PTPRJ: variants seen among roughly 807,000 people sequenced by gnomAD.
PTPRJ encodes protein tyrosine phosphatase receptor type J.
Under a neutral mutation model 141.3 loss-of-function variants are expected in PTPRJ, and 129 were observed. The ratio of observed to expected loss-of-function variants is 0.91; its 90% CI spans 0.79 to 1.06. The LOEUF (loss-of-function observed/expected upper bound fraction) is 1.06. PTPRJ is among the 50% of genes least tolerant of loss of function. The probability of loss-of-function intolerance (pLI) is 0.00; values close to 1 mark genes in which losing one functional copy is unlikely to be tolerated. For missense variants in PTPRJ, 1,601 were observed against 1,679.7 expected, an observed-to-expected ratio of 0.95 and a Z score of 0.82; for synonymous variants, 610 against 640.5, an observed-to-expected ratio of 0.95 and a Z score of 0.72.
At position 48,123,924 on chromosome 11, in the gene PTPRJ, C is replaced by T. The variant is rs369845955; in HGVS notation, c.874+54C>T. On this transcript the variant is annotated intron_variant, in intron 5 of 24. Transcript: ENST00000418331. ...CCTTACTGGTTCTTACTTTCAGTAA[C>T]TAAATGTTCTAAAAAATAAATTGCT... 4.9e-5 allele frequency: 74 copies of T among 1,516,532 alleles called. No individual in the cohort carries two copies. The African/African-American group carries it at 8.8e-4, about 18-fold the overall frequency. 93.9% of individuals were successfully genotyped at this position (1,516,532 alleles called of 1,614,324 possible). A position where few individuals can be genotyped will look rare whatever the true frequency, so the allele number is the denominator to read the frequency against.
At chr11:47,981,840 T>G (rs7106731) in intron 1 of PTPRJ, among the ~76,000 whole-genome samples, 62,748 of 152,054 alleles carry the variant, frequency 0.41, 18,122 homozygotes, top group African/African-American at 0.83. Flanking sequence ...AGAAGTGAAA[T>G]AGCGGAGCAC....
intron 1 of PTPRJ, among the ~76,000 whole-genome samples, chr11:47,993,831 A>AT (rs1001975747): frequency 0.038 from 5,256 of 139,400 alleles, 264 homozygotes; most frequent in African/African-American, 0.12. Flanking sequence ...CAAACAGTTC[A>AT]TTTTTTTTTT....
At chr11:48,063,263 G>A (rs1854988334) in intron 1 of PTPRJ, among the ~76,000 whole-genome samples, 1 of 152,166 alleles carries the variant, frequency 6.6e-6, no homozygotes, top group Admixed American at 6.5e-5. Context: ...GGGAGGTGGA[G>A]GTTGCAGTGA....
At chr11:48,159,123 G>GGGTGTGTGTATC (rs1555058316) in intron 21 of PTPRJ, among the ~76,000 whole-genome samples, 2 of 139,468 alleles carry the variant, frequency 1.4e-5, no homozygotes, top group African/African-American at 5.4e-5. Context: ...TGTATGTGGG[G>GGGTGTGTGTATC]TGTGTGTGTG....
At position 48,136,065 on chromosome 11, in the gene PTPRJ, G is replaced by A. The variant is rs145130615; in HGVS notation, c.1642G>A (p.Val548Met). The change falls in exon 9 of 25, where the codon GTG becomes ATG. Residue 548 changes from valine to methionine, a missense_variant. Transcript: ENST00000418331. ...TVPSAVFDIH[V>M]VYVTTTEMWL... ...TCCCAGTGCAGTGTTTGACATCCACGTGGTCTACGTCACCACCACGGAGAT... is the reference window on the plus strand; with the variant it reads ...TCCCAGTGCAGTGTTTGACATCCACATGGTCTACGTCACCACCACGGAGAT... 287 of 1,614,116 alleles carry A rather than the reference G, an allele frequency of 1.8e-4. No homozygotes were observed. Among genetic ancestry groups the A allele is most frequent in the Non-Finnish European group, 2.3e-4 (277 of 1,179,984 alleles).
At chr11:48,044,159 C>T (rs186633375) in intron 1 of PTPRJ, among the ~76,000 whole-genome samples, 5 of 152,356 alleles carry the variant, frequency 3.3e-5, no homozygotes, top group East Asian at 1.9e-4. Flanking sequence ...GGCCTTGGCC[C>T]GCACAGCCTT....
chr11:48,023,966 C>T (rs1590412460), intron 1 of PTPRJ, among the ~76,000 whole-genome samples: 5 of 151,700 alleles, frequency 3.3e-5, no homozygotes, highest in Admixed American at 2.0e-4. Context: ...GAAAACCCCA[C>T]GCTTATCAGG....
intron 22 of PTPRJ, among the ~76,000 whole-genome samples, chr11:48,162,530 C>G (rs1857811176): frequency 6.6e-6 from 1 of 152,196 alleles, no homozygotes; most frequent in Non-Finnish European, 1.5e-5. Flanking sequence ...TAGCACCTCT[C>G]CCTTCACTCT....
chr11:48,073,663 T>C (rs982234818), intron 1 of PTPRJ, among the ~76,000 whole-genome samples: 17 of 152,008 alleles, frequency 1.1e-4, no homozygotes, highest in Admixed American at 3.9e-4. Flanking sequence ...CCTTGATCGG[T>C]TTTTCCTTTA....
chr11:48,150,488 ACTC>A (rs1336638882), intron 18 of PTPRJ, among the ~76,000 whole-genome samples: 2 of 152,056 alleles, frequency 1.3e-5, no homozygotes, highest in African/African-American at 4.8e-5. Flanking sequence ...ACCTTGGACT[ACTC>A]CTGACTGAAG....
At chr11:48,163,435 TA>T in intron 22 of PTPRJ, 22 bp from the exon 23 acceptor site, 3 of 1,610,998 alleles carry the variant, frequency 1.9e-6, no homozygotes, top group Non-Finnish European at 2.5e-6. Context: ...TGTCTGGATC[TA>T]AATCATTTTC....
intron 1 of PTPRJ, among the ~76,000 whole-genome samples, chr11:48,031,522 G>A (rs1035469713): frequency 1.3e-5 from 2 of 152,208 alleles, no homozygotes; most frequent in Non-Finnish European, 2.9e-5. Flanking sequence ...CACGTGGGAA[G>A]CATCCATGTA....
Position 48,167,348 on chromosome 11 carries a change from G to T in PTPRJ, c.4000G>T (p.Gly1334Cys), listed in dbSNP as rs771843202. The T allele has an allele frequency of 2.5e-6, 4 of 1,614,062 alleles. No individual in the cohort carries two copies. The highest frequency in any genetic ancestry group is 3.4e-6 in the Non-Finnish European group (4 of 1,179,974). Residue 1334 changes from glycine to cysteine, a missense_variant, in exon 25 of 25, where the codon GGT becomes TGT. Transcript: ENST00000418331. ...CGTGACCACATTTGGAAAGACCAAT[G>T]GTTACATCGCCTAATTCCAAAGGAA... is the stretch of plus-strand genomic sequence containing the variant. ...APVTTFGKTN[G>C]YIA
chr11:48,015,415 C>T (rs1268088477), intron 1 of PTPRJ, among the ~76,000 whole-genome samples: 1 of 152,048 alleles, frequency 6.6e-6, no homozygotes, highest in African/African-American at 2.4e-5. Context: ...TTTCTATGTG[C>T]TGATCTTACC....
chr11:48,062,783 A>G (rs532259683), intron 1 of PTPRJ, among the ~76,000 whole-genome samples: 1 of 152,072 alleles, frequency 6.6e-6, no homozygotes, highest in Non-Finnish European at 1.5e-5. Context: ...CTCCCTGCCA[A>G]CTTTTCCAAC....
At chr11:48,005,846 G>T (rs1854607742) in intron 1 of PTPRJ, among the ~76,000 whole-genome samples, 1 of 152,210 alleles carries the variant, frequency 6.6e-6, no homozygotes, top group Admixed American at 6.5e-5. Context: ...CTGAGACAGG[G>T]TTATTATCCC....
At chr11:47,981,107 AG>A in intron 1 of PTPRJ, 99 bp downstream of exon 1, 2 of 1,107,868 alleles carry the variant, frequency 1.8e-6, no homozygotes, top group Non-Finnish European at 2.2e-6. Flanking sequence ...GTTCCGGGGA[AG>A]GGGGCGGGGG....
intron 1 of PTPRJ, among the ~76,000 whole-genome samples, chr11:48,070,601 G>A (rs1162609858): frequency 6.6e-6 from 1 of 151,866 alleles, no homozygotes; most frequent in Non-Finnish European, 1.5e-5. Flanking sequence ...AGTGTGGGTG[G>A]AGTAGTACTC....
intron 22 of PTPRJ, among the ~76,000 whole-genome samples, chr11:48,160,668 G>A (rs1039389212): frequency 1.3e-5 from 2 of 152,150 alleles, no homozygotes; most frequent in East Asian, 1.9e-4. Context: ...TATATCACAG[G>A]CCTAAACATT....
Sources: gnomAD v4.1 joint callset for allele counts (sites outside exome capture counted in the v4.1 genomes callset) on GRCh38, gnomAD v4.1.1 for gene constraint, MANE v1.5 for transcripts, NCBI Gene and HGNC (gene_info 2026-07-23, HGNC 2026-07-21) for gene names.